TBL1X: variants seen among roughly 807,000 people sequenced by gnomAD.
TBL1X encodes transducin beta like 1 X-linked.
Under a neutral mutation model 50.7 loss-of-function variants are expected in TBL1X, and 10 were observed. The ratio of observed to expected loss-of-function variants is 0.20; its 90% confidence interval spans 0.12 to 0.33. The LOEUF (loss-of-function observed/expected upper bound fraction) is 0.33, where lower values mean the gene tolerates loss of function less well. TBL1X is among the 10% of genes least tolerant of loss of function. The probability of loss-of-function intolerance (pLI) is 1.00; values close to 1 mark genes in which losing one functional copy is unlikely to be tolerated. For missense variants in TBL1X, 340 were observed against 504.4 expected (o/e 0.67, Z 3.12); for synonymous variants, 190 against 214.7 (o/e 0.88, Z 1.01).
intron 2 of TBL1X, among the ~76,000 whole-genome samples, chrX:9,525,677 G>T (rs1189165239): frequency 8.9e-6 from 1 of 112,295 alleles, no homozygotes; most frequent in African/African-American, 3.2e-5. Context: ...TTATGAGCAG[G>T]AGGAAATAAC....
intron 6 of TBL1X, among the ~76,000 whole-genome samples, chrX:9,687,656 C>T (rs1569098666): frequency 1.8e-5 from 2 of 108,264 alleles, no homozygotes; most frequent in African/African-American, 6.8e-5. Context: ...GCCTAATGCC[C>T]CCCAAGGAGT....
intron 2 of TBL1X, among the ~76,000 whole-genome samples, chrX:9,554,378 A>C (rs755607158): frequency 8.9e-6 from 1 of 112,509 alleles, no homozygotes; most frequent in Non-Finnish European, 1.9e-5. Context: ...TGTGATTGTA[A>C]CAAGACACAT....
At chrX:9,492,497 A>T (rs2081949581) in intron 1 of TBL1X, among the ~76,000 whole-genome samples, 1 of 112,125 alleles carries the variant, frequency 8.9e-6, no homozygotes, top group South Asian at 3.7e-4. Flanking sequence ...TCATTATGCT[A>T]CCAGTCTTGG....
intron 2 of TBL1X, among the ~76,000 whole-genome samples, chrX:9,598,149 C>G (rs923938538): frequency 9.0e-6 from 1 of 111,474 alleles, no homozygotes; most frequent in Non-Finnish European, 1.9e-5. Flanking sequence ...CCCTCACAGC[C>G]CTCAGAAGAA....
chrX:9,692,877 G>A (rs1050353248), intron 9 of TBL1X, among the ~76,000 whole-genome samples: 3 of 112,642 alleles, frequency 2.7e-5, no homozygotes, highest in Admixed American at 9.4e-5. Context: ...GAGATACGTC[G>A]TGCAGCCCAG....
chrX:9,511,580 G>A (rs2082055737), intron 2 of TBL1X, among the ~76,000 whole-genome samples: 1 of 112,580 alleles, frequency 8.9e-6, no homozygotes, highest in Non-Finnish European at 1.9e-5. Flanking sequence ...GTTGGCATTT[G>A]TCTTCCAAAC....
intron 1 of TBL1X, among the ~76,000 whole-genome samples, chrX:9,493,161 A>G (rs772262197): frequency 1.6e-3 from 179 of 110,748 alleles, no homozygotes; most frequent in African/African-American, 5.5e-3. Context: ...AATGGAGGTG[A>G]TGTTTTCCCA....
rs1165613694 is a variant in TBL1X at position 9,711,676 on chromosome X, C to T, written c.1505C>T (p.Thr502Met). The change falls in exon 16 of 18, where the codon ACG becomes ATG. Residue 502 changes from threonine to methionine, a missense_variant. By Grantham distance (81) the Thr-to-Met change is moderately conservative. Around this residue, in one of 6 missense-constraint regions of TBL1X, gnomAD observed 170 missense variants for 272.6 expected, o/e 0.62. Coordinates refer to ENST00000645353, the MANE Select transcript of TBL1X (RefSeq NM_005647.4). ...IERGVCTHTL[T>M]KHQEPVYSVA... ...CGAGGCGTCTGCACCCACACGCTCACGAAGCATCAGGAGCCTGTCTATAGC... is the reference window on the plus strand; with the variant it reads ...CGAGGCGTCTGCACCCACACGCTCATGAAGCATCAGGAGCCTGTCTATAGC... 5.0e-6 allele frequency: 6 copies of T among 1,209,093 alleles called. 1 individual carries two copies. In the South Asian group the frequency reaches 5.3e-5, roughly 11 times the overall value.
chrX:9,665,539 A>ATATATATAT (rs3043954), intron 5 of TBL1X, among the ~76,000 whole-genome samples: 227 of 62,794 alleles, frequency 3.6e-3, no homozygotes, highest in Middle Eastern at 8.7e-3. Context: ...ATATATATAT[A>ATATATATAT]AAAGGCCTTG....
chrX:9,611,044 G>A (rs1354639208), intron 2 of TBL1X, among the ~76,000 whole-genome samples: 2 of 111,849 alleles, frequency 1.8e-5, no homozygotes, highest in African/African-American at 6.5e-5. Flanking sequence ...CAGGGCTCAA[G>A]ATTCCATTTT....
At chrX:9,622,430 G>A (rs1392333468) in intron 2 of TBL1X, among the ~76,000 whole-genome samples, 1 of 110,727 alleles carries the variant, frequency 9.0e-6, no homozygotes, top group African/African-American at 3.3e-5. Flanking sequence ...CGTCTTCAAG[G>A]TTCACACACC....
intron 5 of TBL1X, among the ~76,000 whole-genome samples, chrX:9,667,263 C>A (rs964670476): frequency 9.0e-6 from 1 of 111,460 alleles, no homozygotes; most frequent in Non-Finnish European, 1.9e-5. Flanking sequence ...TCCGTTCCCC[C>A]CTACCCCCAA....
chrX:9,695,493 T>C (rs1216210131), intron 11 of TBL1X, among the ~76,000 whole-genome samples: 1 of 112,791 alleles, frequency 8.9e-6, no homozygotes, highest in East Asian at 2.8e-4. Flanking sequence ...CGCAGCACTT[T>C]GCTGTGCATT....
At chrX:9,679,388 T>C (rs1418420891) in intron 5 of TBL1X, among the ~76,000 whole-genome samples, 2 of 111,147 alleles carry the variant, frequency 1.8e-5, no homozygotes, top group African/African-American at 6.6e-5. Context: ...AAGTCAGCCA[T>C]GCTGTGCTTG....
chrX:9,699,065 C>T (rs1409873171), intron 12 of TBL1X, among the ~76,000 whole-genome samples: 2 of 111,674 alleles, frequency 1.8e-5, no homozygotes, highest in African/African-American at 6.5e-5. Context: ...ATTGCAGCCT[C>T]CGCCTCCCAT....
intron 17 of TBL1X, 51 bp from the exon 18 acceptor site, chrX:9,716,169 G>A (rs374803430): frequency 4.8e-5 from 57 of 1,188,416 alleles, no homozygotes; most frequent in Middle Eastern, 2.3e-4. Flanking sequence ...CACTCTAAAG[G>A]CATCTTTGTA....
Position 9,545,229 on chromosome X carries a change from C to T in TBL1X, c.-131+43380C>T, listed in dbSNP as rs2082236469. ...GCCATGCTGGCCAGGCTGGTCCCCC[C>T]ATTTTTATGGTTTGAAAATTTTCAA... is the stretch of plus-strand genomic sequence containing the variant. On this transcript the variant is annotated intron_variant, in intron 2 of 17. Coordinates refer to ENST00000645353, the MANE Select transcript of TBL1X (RefSeq NM_005647.4). Among the ~76,000 whole-genome samples the T allele has an allele frequency of 2.7e-5, 3 of 109,956 alleles. No homozygotes were observed. In the South Asian group the frequency reaches 1.2e-3, roughly 43 times the overall value.
intron 5 of TBL1X, among the ~76,000 whole-genome samples, chrX:9,683,386 G>A (rs1336591229): frequency 1.8e-5 from 2 of 112,184 alleles, no homozygotes; most frequent in Non-Finnish European, 3.8e-5. Flanking sequence ...TCCTAGAGCG[G>A]CAGTGAAAGA....
At chrX:9,706,341 G>A (rs928562039) in intron 13 of TBL1X, among the ~76,000 whole-genome samples, 1 of 111,561 alleles carries the variant, frequency 9.0e-6, no homozygotes, top group Non-Finnish European at 1.9e-5. Flanking sequence ...TATGCGTGAT[G>A]GGGAGAGAAG....
Sources: gnomAD v4.1 joint callset for allele counts (sites outside exome capture counted in the v4.1 genomes callset) on GRCh38, gnomAD v4.1.1 for gene constraint, gnomAD v4.1.1 regional missense constraint, MANE v1.5 for transcripts, NCBI Gene and HGNC (gene_info 2026-07-23, HGNC 2026-07-21) for gene names.